Variants in RELCH observed in about 807,000 individuals in gnomAD.
RELCH encodes the protein RAB11 binding and LisH domain, coiled-coil and HEAT repeat containing.
In RELCH, 41 loss-of-function variants were observed where a neutral mutation model predicts 150.3. That is an observed-to-expected ratio of 0.27 (90% CI 0.21 to 0.35). RELCH has a LOEUF of 0.35. RELCH is among the 10% of genes least tolerant of loss of function. RELCH has a pLI of 1.00. For synonymous variants in RELCH, 478 were observed against 531.8 expected, an observed-to-expected ratio of 0.90 and a Z score of 1.39; for missense variants, 1,092 against 1,467.8, an observed-to-expected ratio of 0.74 and a Z score of 4.18.
intron 20 of RELCH, among the ~76,000 whole-genome samples, chr18:62,270,113 A>G (rs909966207): frequency 2.0e-5 from 3 of 152,166 alleles, no homozygotes; most frequent in African/African-American, 7.2e-5. Context: ...AGGTCTCTAC[A>G]TAAGTCTCAG....
At chr18:62,188,520 C>T (rs1464230881) in intron 1 of RELCH, among the ~76,000 whole-genome samples, 1 of 152,182 alleles carries the variant, frequency 6.6e-6, no homozygotes, top group African/African-American at 2.4e-5. Context: ...GTCTTTGGGA[C>T]GACTTTTTCA....
At chr18:62,254,585 A>C (rs905851934) in intron 12 of RELCH, 3 of 152,086 alleles carry the variant, frequency 2.0e-5, no homozygotes, top group Middle Eastern at 3.2e-3. Context: ...CTCTACTGCC[A>C]CCTCTTCTGT....
chr18:62,242,709 G>T (rs2148489392), intron 10 of RELCH, among the ~76,000 whole-genome samples: 1 of 152,206 alleles, frequency 6.6e-6, no homozygotes, highest in South Asian at 2.1e-4. Flanking sequence ...CTTGATTAAG[G>T]ATCACTAAGC....
At chr18:62,241,074 T>C (rs1006716979) in intron 10 of RELCH, among the ~76,000 whole-genome samples, 1 of 152,150 alleles carries the variant, frequency 6.6e-6, no homozygotes, top group Non-Finnish European at 1.5e-5. Context: ...GCAAGTTAGC[T>C]TACTGCAACC....
At chr18:62,192,329 A>G (rs761807202) in intron 1 of RELCH, among the ~76,000 whole-genome samples, 1 of 152,110 alleles carries the variant, frequency 6.6e-6, no homozygotes, top group Non-Finnish European at 1.5e-5. Context: ...ATTTTCTCCC[A>G]TTCTGTAGGT....
intron 2 of RELCH, among the ~76,000 whole-genome samples, chr18:62,212,678 A>G (rs1382707219): frequency 1.3e-5 from 2 of 152,182 alleles, no homozygotes; most frequent in Non-Finnish European, 2.9e-5. Context: ...TCTCCCCAGG[A>G]TATTGAGGCT....
rs553577719 is a variant in RELCH at position 62,229,838 on chromosome 18, CTT to C, written c.1448+1241_1448+1242del. 2.7e-3 allele frequency among the ~76,000 whole-genome samples: 410 copies of C among 152,020 alleles called. 2 individuals are homozygous for C. The highest frequency in any genetic ancestry group is 4.1e-3 in the Non-Finnish European group (281 of 67,938). ...GGGAACAAAGAAGGGTTTAGTGAGG[CTT>C]AAGCAAATAATGCTAGTGAAAGGAA... is the stretch of plus-strand genomic sequence containing the variant. On this transcript the variant is annotated intron_variant, in intron 8 of 28. Transcript: ENST00000644646.
At chr18:62,264,325 G>A (rs1181514413) in intron 17 of RELCH, among the ~76,000 whole-genome samples, 180 bp downstream of exon 17, 1 of 152,072 alleles carries the variant, frequency 6.6e-6, no homozygotes, top group Non-Finnish European at 1.5e-5. Context: ...AGAAGATGTT[G>A]CTGTATTTTA....
chr18:62,291,835 G>A (rs1047716465), intron 27 of RELCH, among the ~76,000 whole-genome samples: 14 of 151,988 alleles, frequency 9.2e-5, no homozygotes, highest in African/African-American at 2.9e-4. Context: ...CTACAGTAGG[G>A]ATAATACACT....
Position 62,306,994 on chromosome 18 carries a change from A to T in RELCH, c.*1460A>T, listed in dbSNP as rs1600322163. 6.6e-6 allele frequency: 1 copy of T among 152,662 alleles called. No individual in the cohort carries two copies. Among genetic ancestry groups the T allele is most frequent in the Non-Finnish European group, 1.5e-5 (1 of 68,024 alleles). 9.5% of individuals were successfully genotyped at this position (152,662 alleles called of 1,614,324 possible). On this transcript the variant is annotated 3_prime_UTR_variant, in exon 29 of 29. Coordinates refer to ENST00000644646, the MANE Select transcript of RELCH (RefSeq NM_001346231.2). ...TTATTTCATTTACCTACAGTGAAAT[A>T]ATTGTGAACTAAGTAGTCTTTCTGA...
At chr18:62,197,487 G>A (rs1472500603) in intron 1 of RELCH, among the ~76,000 whole-genome samples, 1 of 152,078 alleles carries the variant, frequency 6.6e-6, no homozygotes, top group African/African-American at 2.4e-5. Context: ...TCCCAGCCTT[G>A]TCTAAAAATA....
chr18:62,227,825 T>TATTAACAATC, intron 7 of RELCH, 136 bp downstream of exon 7: 1 of 504,414 alleles, frequency 2.0e-6, no homozygotes, highest in Non-Finnish European at 3.5e-6. Flanking sequence ...AAAGAAAGTT[T>TATTAACAATC]TGTAATTGTT....
At chr18:62,283,478 A>G (rs1388964577) in intron 25 of RELCH, among the ~76,000 whole-genome samples, 2 of 152,180 alleles carry the variant, frequency 1.3e-5, no homozygotes, top group African/African-American at 2.4e-5. Flanking sequence ...CTAGTACATT[A>G]TTTTATTCTC....
At chr18:62,198,908 A>C (rs2039232464) in intron 1 of RELCH, among the ~76,000 whole-genome samples, 1 of 151,948 alleles carries the variant, frequency 6.6e-6, no homozygotes, top group African/African-American at 2.4e-5. Flanking sequence ...AAAATATTTT[A>C]TTGTGGCTAT....
chr18:62,265,851 A>G (rs545993438), intron 18 of RELCH, among the ~76,000 whole-genome samples: 51 of 152,152 alleles, frequency 3.4e-4, no homozygotes, highest in African/African-American at 1.2e-3. Context: ...GTTTAAGCTA[A>G]ATATATAAAT....
chr18:62,218,023 A>G (rs1027440418), intron 2 of RELCH, among the ~76,000 whole-genome samples: 1 of 151,994 alleles, frequency 6.6e-6, no homozygotes, highest in Non-Finnish European at 1.5e-5. Flanking sequence ...TTCTAAACCT[A>G]GTAAAGGTGA....
intron 11 of RELCH, among the ~76,000 whole-genome samples, chr18:62,251,664 TATA>T (rs1447543430): frequency 6.6e-6 from 1 of 152,200 alleles, no homozygotes; most frequent in African/African-American, 2.4e-5. Context: ...TTATCTTAGG[TATA>T]ATACCAAAAA....
chr18:62,249,048 A>G (rs970454429), intron 11 of RELCH, among the ~76,000 whole-genome samples: 2 of 152,200 alleles, frequency 1.3e-5, no homozygotes, highest in African/African-American at 2.4e-5. Flanking sequence ...ATGTTTTCCT[A>G]TGTTATAATT....
intron 11 of RELCH, chr18:62,246,164 C>A (rs367773210): frequency 6.6e-6 from 1 of 152,304 alleles, no homozygotes; most frequent in East Asian, 1.9e-4. Flanking sequence ...GATTTTGCAT[C>A]AAACCATTTA....
Sources: gnomAD v4.1 joint callset for allele counts (sites outside exome capture counted in the v4.1 genomes callset) on GRCh38, gnomAD v4.1.1 for gene constraint, MANE v1.5 for transcripts, NCBI Gene and HGNC (gene_info 2026-07-23, HGNC 2026-07-21) for gene names.